Variants in CDH19 observed in about 807,000 individuals in gnomAD.
CDH19 encodes the protein cadherin-19.
A neutral mutation model predicts 64.2 loss-of-function variants in CDH19; 67 were observed. The ratio of observed to expected loss-of-function variants is 1.04; its 90% confidence interval spans 0.86 to 1.28. The LOEUF is 1.28. Ranked by LOEUF, CDH19 falls within the 50% of genes most tolerant of loss-of-function variation. CDH19 has a pLI of 0.00. For synonymous variants in CDH19, 346 were observed against 319.3 expected (o/e 1.08, Z -0.89); for missense variants, 1,030 against 929.0 (o/e 1.11, Z -1.41).
At position 66,548,263 on chromosome 18, in the gene CDH19, T is replaced by A. The variant is rs901533466; in HGVS notation, c.775+2831A>T. 8.6e-3 allele frequency among the ~76,000 whole-genome samples: 1,131 copies of A among 131,882 alleles called. 13 individuals carry two copies. Among genetic ancestry groups the A allele is most frequent in the African/African-American group, 0.028 (822 of 29,886 alleles). The allele number at this position is 131,882 out of a possible 152,430, so 86.5% of individuals were successfully genotyped here. On this transcript the variant is annotated intron_variant, in intron 5 of 11. Coordinates refer to ENST00000262150, the MANE Select transcript of CDH19 (RefSeq NM_021153.4). Reference sequence around the variant, plus strand: ...AACCCCTTTATATATATATATATATTTTTTTAAAAATATATAATATATGAA... The same window carrying A: ...AACCCCTTTATATATATATATATATATTTTTAAAAATATATAATATATGAA...
intron 11 of CDH19, among the ~76,000 whole-genome samples, chr18:66,506,516 A>G (rs2144329856): frequency 6.6e-6 from 1 of 152,168 alleles, no homozygotes; most frequent in East Asian, 1.9e-4. Flanking sequence ...TTTCTGTGAC[A>G]CCACATAAAT....
intron 9 of CDH19, among the ~76,000 whole-genome samples, chr18:66,521,387 G>A (rs1985975524): frequency 6.6e-6 from 1 of 151,890 alleles, no homozygotes; most frequent in Non-Finnish European, 1.5e-5. Flanking sequence ...ATCAACACGA[G>A]GTACTAACTT....
At chr18:66,517,741 T>C (rs908614009) in intron 9 of CDH19, among the ~76,000 whole-genome samples, 10 of 152,048 alleles carry the variant, frequency 6.6e-5, no homozygotes, top group Non-Finnish European at 1.5e-4. Context: ...AAGAATCATC[T>C]TCATAAATTA....
At chr18:66,512,434 TG>T (rs1161785551) in intron 9 of CDH19, among the ~76,000 whole-genome samples, 1 of 151,468 alleles carries the variant, frequency 6.6e-6, no homozygotes, top group Non-Finnish European at 1.5e-5. Flanking sequence ...TAAAGTAAAT[TG>T]ATTATAGAAG....
chr18:66,519,381 T>C (rs1443772717), intron 9 of CDH19, among the ~76,000 whole-genome samples: 1 of 152,208 alleles, frequency 6.6e-6, no homozygotes, highest in Non-Finnish European at 1.5e-5. Flanking sequence ...ATAGAGATTG[T>C]AGAGGAGAAG....
intron 4 of CDH19, among the ~76,000 whole-genome samples, chr18:66,552,128 T>TGA: frequency 6.6e-6 from 1 of 152,004 alleles, no homozygotes; most frequent in Admixed American, 6.6e-5. Flanking sequence ...TACCTGTGTG[T>TGA]GACGGGATCA....
Position 66,556,506 on chromosome 18 carries a change from T to G in CDH19, c.491-1982A>C, listed in dbSNP as rs59435207. Among the ~76,000 whole-genome samples, 851 of 151,930 alleles carry G rather than the reference T, an allele frequency of 5.6e-3. 16 individuals are homozygous for G. In the East Asian group the frequency reaches 0.068, roughly 12 times the overall value. ...ACTTTTTTTAGATTCCACATATAAA[T>G]AAGATCATGCAATATTTTTATTCTG... On this transcript the variant is annotated intron_variant, in intron 3 of 11. Coordinates refer to ENST00000262150, the MANE Select transcript of CDH19 (RefSeq NM_021153.4).
At chr18:66,581,706 G>A (rs1465410162) in intron 1 of CDH19, among the ~76,000 whole-genome samples, 1 of 152,080 alleles carries the variant, frequency 6.6e-6, no homozygotes, top group African/African-American at 2.4e-5. Context: ...GCCACTGAAG[G>A]CTGCACTGTT....
chr18:66,557,640 G>A (rs1465146108), intron 3 of CDH19, among the ~76,000 whole-genome samples: 2 of 151,924 alleles, frequency 1.3e-5, no homozygotes, highest in Non-Finnish European at 2.9e-5. Context: ...TAGAATTGGT[G>A]TAATTCAACA....
intron 3 of CDH19, among the ~76,000 whole-genome samples, chr18:66,556,261 T>A (rs1987514910): frequency 6.6e-6 from 1 of 151,666 alleles, no homozygotes; most frequent in African/African-American, 2.4e-5. Flanking sequence ...AGTTACCCAT[T>A]TTTGTGTGTG....
chr18:66,521,495 C>A (rs1985979612), intron 9 of CDH19, among the ~76,000 whole-genome samples: 1 of 141,408 alleles, frequency 7.1e-6, no homozygotes, highest in African/African-American at 2.7e-5. Context: ...TCTCACTTAT[C>A]TCTGGCCTTT....
intron 9 of CDH19, among the ~76,000 whole-genome samples, chr18:66,529,253 C>T (rs1598984045): frequency 2.0e-5 from 3 of 150,634 alleles, no homozygotes; most frequent in Admixed American, 6.6e-5. Flanking sequence ...TTAAACGCTA[C>T]GAAAAAACAT....
chr18:66,573,153 T>C (rs1036965524), intron 1 of CDH19, among the ~76,000 whole-genome samples: 8 of 151,700 alleles, frequency 5.3e-5, no homozygotes, highest in Non-Finnish European at 7.4e-5. Context: ...TGTAACTTAA[T>C]AGTTTTGCAT....
chr18:66,558,100 C>T (rs1054701102), intron 3 of CDH19, among the ~76,000 whole-genome samples: 6 of 150,690 alleles, frequency 4.0e-5, no homozygotes, highest in Non-Finnish European at 7.4e-5. Context: ...TCAGACATAG[C>T]GCCATTGCAC....
intron 3 of CDH19, among the ~76,000 whole-genome samples, chr18:66,567,111 A>T (rs502223): frequency 0.017 from 2,616 of 152,056 alleles, 76 homozygotes; most frequent in African/African-American, 0.059. Context: ...TCCTTTAATT[A>T]AAATAACTAT....
intron 5 of CDH19, among the ~76,000 whole-genome samples, chr18:66,549,061 GA>G: frequency 6.6e-6 from 1 of 151,954 alleles, no homozygotes. Flanking sequence ...TCCCACAAGG[GA>G]AAACCATGTG....
Position 66,535,027 on chromosome 18 carries a change from A to G in CDH19, c.1295T>C (p.Ile432Thr), listed in dbSNP as rs1986603131. The part of the protein sequence containing the change: ...ITTSNSLDRE[I>T]SAWYNLSITA... ...AATACTTAGGTTGTACCAAGCACTGATTTCACGATCCAGTGAGTTACTTGT... is the reference window on the plus strand; with the variant it reads ...AATACTTAGGTTGTACCAAGCACTGGTTTCACGATCCAGTGAGTTACTTGT... The change falls in exon 8 of 12, where the codon ATC becomes ACC. Residue 432 changes from isoleucine (I) to threonine (T), a missense_variant. Transcript: ENST00000262150. The G allele has an allele frequency of 6.6e-7, 1 of 1,520,600 alleles. No homozygotes were observed. Among genetic ancestry groups the G allele is most frequent in the Admixed American group, 1.8e-5 (1 of 56,208 alleles). 94.2% of individuals were successfully genotyped at this position (1,520,600 alleles called of 1,614,324 possible).
chr18:66,572,387 G>A, intron 1 of CDH19, 71 bp from the exon 2 acceptor site: 2 of 430,532 alleles, frequency 4.6e-6, no homozygotes, highest in Admixed American at 3.8e-5. Flanking sequence ...ACTAAAGACA[G>A]GTTACAACTT....
rs574404694 is a variant in CDH19 at position 66,588,626 on chromosome 18, C to CTA, written c.-113+15326_-113+15327dup. On this transcript the variant is annotated intron_variant, in intron 1 of 11. Coordinates refer to ENST00000262150, the MANE Select transcript of CDH19 (RefSeq NM_021153.4). ...TAATCATATATATCTATATCTATAT[C>CTA]TATATATATATAGATACAGCTCAGA... Among the ~76,000 whole-genome samples the CTA allele has an allele frequency of 0.013, 1,439 of 113,680 alleles. 128 individuals carry two copies. In the South Asian group the frequency reaches 0.14, roughly 11 times the overall value. 74.6% of individuals were successfully genotyped at this position (113,680 alleles called of 152,430 possible).
Sources: allele counts gnomAD v4.1 joint callset (sites outside exome capture counted in the v4.1 genomes callset), GRCh38; gene constraint gnomAD v4.1.1; transcripts MANE v1.5; gene names NCBI Gene and HGNC (gene_info 2026-07-23, HGNC 2026-07-21).